Variants in SIL1 observed in about 807,000 individuals in gnomAD.
SIL1 encodes nucleotide exchange factor SIL1.
In SIL1, 40 loss-of-function variants were observed where a neutral mutation model predicts 49.1. The observed-to-expected ratio is 0.81, with a 90% CI of 0.63 to 1.06. The LOEUF is 1.06. SIL1 is among the 50% of genes least tolerant of loss of function. SIL1 has a pLI of 0.00. For synonymous variants in SIL1, 253 were observed against 250.8 expected (o/e 1.01, Z -0.08); for missense variants, 500 against 572.6 (o/e 0.87, Z 1.29).
rs183945044 is a variant in SIL1, at chr5:139,054,896, T to C, written c.245-3850A>G. Among the ~76,000 whole-genome samples, 17 of 152,272 alleles carry C rather than the reference T, an allele frequency of 1.1e-4. 1 individual carries two copies. In the East Asian group the frequency reaches 2.5e-3, roughly 22 times the overall value. On this transcript the variant is annotated intron_variant, in intron 3 of 9. Coordinates refer to ENST00000394817, the MANE Select transcript of SIL1 (RefSeq NM_022464.5). The stretch of plus-strand genomic sequence containing the variant: ...CAGCAGTGGCAAAAGCAACAGGAAA[T>C]GCAGTATTTCAAATACTTCTCCACT...
At chr5:139,144,611 C>T (rs1751156347) in intron 1 of SIL1, among the ~76,000 whole-genome samples, 1 of 152,136 alleles carries the variant, frequency 6.6e-6, no homozygotes, top group African/African-American at 2.4e-5. Context: ...TGGCTCACAC[C>T]TGTAATCCCA....
chr5:139,187,362 C>CAAA (rs1752093277), intron 1 of SIL1, among the ~76,000 whole-genome samples: 1 of 151,950 alleles, frequency 6.6e-6, no homozygotes, highest in Non-Finnish European at 1.5e-5. Flanking sequence ...ACTAAAATTA[C>CAAA]AAAAATTAGC....
intron 1 of SIL1, among the ~76,000 whole-genome samples, chr5:139,140,046 G>A (rs1373801644): frequency 6.6e-6 from 1 of 152,176 alleles, no homozygotes; most frequent in African/African-American, 2.4e-5. Flanking sequence ...CGAGGCAGGT[G>A]GATCACTTGA....
chr5:139,046,943 G>A (rs1769179432), intron 4 of SIL1, among the ~76,000 whole-genome samples: 1 of 152,192 alleles, frequency 6.6e-6, no homozygotes, highest in African/African-American at 2.4e-5. Flanking sequence ...CTGTGCTTAT[G>A]TACCTGGTTT....
At chr5:138,993,175 A>C (rs1424267509) in intron 7 of SIL1, among the ~76,000 whole-genome samples, 1 of 152,130 alleles carries the variant, frequency 6.6e-6, no homozygotes, top group Non-Finnish European at 1.5e-5. Context: ...GGATCCCCTT[A>C]AGAGATTTTT....
chr5:139,118,479 C>T (rs1371771572), intron 3 of SIL1, among the ~76,000 whole-genome samples: 2 of 152,194 alleles, frequency 1.3e-5, no homozygotes, highest in Non-Finnish European at 2.9e-5. Context: ...GACACTTCCC[C>T]CATGCCACCC....
intron 7 of SIL1, among the ~76,000 whole-genome samples, chr5:139,009,221 CTTCT>C (rs1768195129): frequency 7.7e-6 from 1 of 130,130 alleles, no homozygotes; most frequent in South Asian, 2.9e-4. Context: ...ATGTAATGGC[CTTCT>C]TTGTCTCTTT....
At chr5:139,082,756 G>C (rs1447112301) in intron 3 of SIL1, among the ~76,000 whole-genome samples, 8 of 152,206 alleles carry the variant, frequency 5.3e-5, no homozygotes, top group Non-Finnish European at 4.4e-5. Flanking sequence ...TGCTATGTGG[G>C]AATGGATTCC....
At chr5:138,951,929 G>T in intron 7 of SIL1, 45 bp from the exon 8 acceptor site, 1 of 1,531,744 alleles carries the variant, frequency 6.5e-7, no homozygotes. Flanking sequence ...GCCCAGCCCA[G>T]GGATCGGATG....
At chr5:139,063,760 T>C (rs1769644264) in intron 3 of SIL1, among the ~76,000 whole-genome samples, 1 of 152,192 alleles carries the variant, frequency 6.6e-6, no homozygotes, top group South Asian at 2.1e-4. Context: ...AGTGCCTGCA[T>C]TTCCCACCCA....
chr5:139,162,807 A>G (rs533422097), intron 1 of SIL1, among the ~76,000 whole-genome samples: 1 of 152,266 alleles, frequency 6.6e-6, no homozygotes. Context: ...CTCTCATGAA[A>G]CTTACGTTCT....
At chr5:138,968,219 C>T (rs1188139407) in intron 7 of SIL1, among the ~76,000 whole-genome samples, 3 of 152,102 alleles carry the variant, frequency 2.0e-5, no homozygotes, top group Non-Finnish European at 4.4e-5. Context: ...AGCACAGCTT[C>T]TGACCACAGT....
chr5:139,097,233 G>A (rs1026433475), intron 3 of SIL1, among the ~76,000 whole-genome samples: 1 of 151,908 alleles, frequency 6.6e-6, no homozygotes, highest in East Asian at 1.9e-4. Context: ...CCTCTAGAGC[G>A]AGGTGCCGTC....
intron 1 of SIL1, among the ~76,000 whole-genome samples, chr5:139,189,714 A>G (rs1231401624): frequency 6.6e-6 from 1 of 152,190 alleles, no homozygotes; most frequent in Non-Finnish European, 1.5e-5. Context: ...TCAGCTACTC[A>G]GGAAGCTGAG....
chr5:139,190,589 C>T (rs1324810353), intron 1 of SIL1, among the ~76,000 whole-genome samples: 1 of 152,134 alleles, frequency 6.6e-6, no homozygotes, highest in African/African-American at 2.4e-5. Context: ...CACTAGAGTC[C>T]CACTATTATG....
At chr5:139,035,521 C>T (rs1768884219) in intron 5 of SIL1, 2 of 529,820 alleles carry the variant, frequency 3.8e-6, no homozygotes, top group African/African-American at 1.9e-5. Context: ...TCATCACCAA[C>T]CTTTTTCGGA....
chr5:138,959,675 T>G (rs375861676), intron 7 of SIL1, among the ~76,000 whole-genome samples: 1 of 152,208 alleles, frequency 6.6e-6, no homozygotes, highest in African/African-American at 2.4e-5. Context: ...ACTCTCCACT[T>G]TCCTGACAAT....
At chr5:138,987,602 T>C (rs1338970542) in intron 7 of SIL1, among the ~76,000 whole-genome samples, 3 of 152,206 alleles carry the variant, frequency 2.0e-5, no homozygotes, top group Admixed American at 2.0e-4. Flanking sequence ...GGGCATGATA[T>C]ATGGCTTTTG....
intron 1 of SIL1, among the ~76,000 whole-genome samples, chr5:139,163,132 G>A (rs912647627): frequency 5.3e-5 from 8 of 151,894 alleles, no homozygotes; most frequent in Non-Finnish European, 1.2e-4. Context: ...AGGAAGGCAG[G>A]CAGGGATCGG....
Sources: gnomAD v4.1 joint callset for allele counts (sites outside exome capture counted in the v4.1 genomes callset) on GRCh38, gnomAD v4.1.1 for gene constraint, MANE v1.5 for transcripts, NCBI Gene and HGNC (gene_info 2026-07-23, HGNC 2026-07-21) for gene names.